Variants in DOK5 observed in about 807,000 individuals in gnomAD.
DOK5 encodes docking protein 5.
In DOK5, 27 loss-of-function variants were observed where a neutral mutation model predicts 43.3. The observed-to-expected ratio is 0.62, with a 90% confidence interval of 0.46 to 0.86. The LOEUF (loss-of-function observed/expected upper bound fraction) is 0.86, where lower values mean the gene tolerates loss of function less well. DOK5 is among the 40% of genes least tolerant of loss of function. The pLI is 0.00. For synonymous variants in DOK5, 146 were observed against 140.1 expected (o/e 1.04, Z -0.30); for missense variants, 373 against 392.9 (o/e 0.95, Z 0.43).
rs142223107 is a variant in DOK5, at chr20:54,631,456, A to G, written c.736-12002A>G. Among the ~76,000 whole-genome samples the G allele has an allele frequency of 1.4e-4, 21 of 147,666 alleles. 1 individual carries two copies. The East Asian group carries it at 4.4e-3, about 31-fold the overall frequency. ...AAGAAAGGAAAGAAAGGAAGGAAGG[A>G]AGGGAGGGAGAGAAGGAGAGAGGGA... On this transcript the variant is annotated intron_variant, in intron 6 of 7. Transcript: ENST00000262593.
intron 6 of DOK5, among the ~76,000 whole-genome samples, chr20:54,618,447 G>T (rs1052392201): frequency 6.6e-6 from 1 of 151,774 alleles, no homozygotes; most frequent in Non-Finnish European, 1.5e-5. Flanking sequence ...GGGTTCAAGC[G>T]ATTCTTCCCC....
intron 1 of DOK5, among the ~76,000 whole-genome samples, chr20:54,535,304 A>T (rs1456493319): frequency 6.6e-6 from 1 of 150,524 alleles, no homozygotes; most frequent in South Asian, 2.1e-4. Context: ...TTTTTTTTTT[A>T]AAGAGTGCTT....
chr20:54,540,162 T>A (rs1303525219), intron 1 of DOK5, among the ~76,000 whole-genome samples: 1 of 151,910 alleles, frequency 6.6e-6, no homozygotes, highest in African/African-American at 2.4e-5. Flanking sequence ...TTTTCAACTC[T>A]ACAAAAATAC....
chr20:54,575,296 A>G (rs1311906035), intron 2 of DOK5, among the ~76,000 whole-genome samples: 1 of 152,234 alleles, frequency 6.6e-6, no homozygotes, highest in Non-Finnish European at 1.5e-5. Flanking sequence ...GTGATGGTGG[A>G]CAGGCATGGG....
intron 1 of DOK5, among the ~76,000 whole-genome samples, chr20:54,499,069 C>A (rs923144798): frequency 6.6e-6 from 1 of 152,176 alleles, no homozygotes; most frequent in Non-Finnish European, 1.5e-5. Flanking sequence ...GGGATCAGAG[C>A]ACTGTCAAAG....
chr20:54,532,652 G>A (rs1378292896), intron 1 of DOK5, among the ~76,000 whole-genome samples: 1 of 152,132 alleles, frequency 6.6e-6, no homozygotes, highest in East Asian at 1.9e-4. Context: ...GCTGTTCTCA[G>A]CCTCTGTTTT....
At chr20:54,512,036 AC>A (rs1983033209) in intron 1 of DOK5, among the ~76,000 whole-genome samples, 1 of 152,128 alleles carries the variant, frequency 6.6e-6, no homozygotes, top group African/African-American at 2.4e-5. Flanking sequence ...CCTTATACAC[AC>A]CAACAGAGCA....
chr20:54,534,243 G>A (rs2146709044), intron 1 of DOK5, among the ~76,000 whole-genome samples: 1 of 152,342 alleles, frequency 6.6e-6, no homozygotes, highest in South Asian at 2.1e-4. Context: ...CGGGAGTGCA[G>A]TGGTGCAATC....
At chr20:54,619,549 C>T (rs115533267) in intron 6 of DOK5, among the ~76,000 whole-genome samples, 3,373 of 152,184 alleles carry the variant, frequency 0.022, 154 homozygotes, top group African/African-American at 0.077. Context: ...CCAGGGGCTC[C>T]GGGTGGGGTG....
chr20:54,489,613 T>C (rs1982084888), intron 1 of DOK5, among the ~76,000 whole-genome samples: 1 of 152,156 alleles, frequency 6.6e-6, no homozygotes, highest in Admixed American at 6.5e-5. Flanking sequence ...GTTAAATATG[T>C]GCATAAAGTA....
chr20:54,607,931 T>G (rs896030435), intron 5 of DOK5, among the ~76,000 whole-genome samples: 1 of 148,984 alleles, frequency 6.7e-6, no homozygotes, highest in Non-Finnish European at 1.5e-5. Flanking sequence ...CAAAACAAAG[T>G]GGGCATTGGG....
intron 5 of DOK5, among the ~76,000 whole-genome samples, chr20:54,595,205 G>A (rs1186984239): frequency 6.6e-6 from 1 of 152,166 alleles, no homozygotes; most frequent in East Asian, 1.9e-4. Context: ...GCCGGGCGTG[G>A]TAGTGGGCAC....
At chr20:54,611,436 C>T (rs1257608912) in intron 6 of DOK5, among the ~76,000 whole-genome samples, 1 of 152,100 alleles carries the variant, frequency 6.6e-6, no homozygotes, top group East Asian at 1.9e-4. Context: ...TGGTATGCGA[C>T]TGTAGTTCCG....
chr20:54,475,773 G>A lies in DOK5; in HGVS notation c.-174G>A, dbSNP rs1401669643. Reference sequence around the variant, plus strand: ...AGCCGGCCGCCCACTGTCAGGGTTGGGGGGACAGAGAAAGTGATGTGCGCC... The same window carrying A: ...AGCCGGCCGCCCACTGTCAGGGTTGAGGGGACAGAGAAAGTGATGTGCGCC... On this transcript the variant is annotated 5_prime_UTR_variant, in exon 1 of 8. Coordinates refer to ENST00000262593, the MANE Select transcript of DOK5 (RefSeq NM_018431.5). The surrounding 1 kb of genome is among the most constrained non-coding windows in gnomAD (Gnocchi z 4.2). 3 of 773,314 alleles carry A rather than the reference G, an allele frequency of 3.9e-6. No homozygotes were observed. The highest frequency in any genetic ancestry group is 6.2e-6 in the Non-Finnish European group (3 of 482,222). 47.9% of individuals were successfully genotyped at this position (773,314 alleles called of 1,614,324 possible).
chr20:54,478,799 A>G (rs941966261), intron 1 of DOK5, among the ~76,000 whole-genome samples: 40 of 152,228 alleles, frequency 2.6e-4, no homozygotes, highest in African/African-American at 8.2e-4. Flanking sequence ...TGAAAATGCA[A>G]TGAAAGTCTA....
chr20:54,595,107 C>T (rs1447254798), intron 5 of DOK5, among the ~76,000 whole-genome samples: 1 of 151,984 alleles, frequency 6.6e-6, no homozygotes, highest in Admixed American at 6.6e-5. Flanking sequence ...TTTGGGAGGC[C>T]AAGGCGGGCA....
intron 6 of DOK5, among the ~76,000 whole-genome samples, chr20:54,637,284 C>A (rs1041822277): frequency 6.6e-6 from 1 of 152,232 alleles, no homozygotes; most frequent in African/African-American, 2.4e-5. Flanking sequence ...CAGGCAGCAT[C>A]TTGACTCACT....
At chr20:54,504,616 G>C (rs1982736556) in intron 1 of DOK5, among the ~76,000 whole-genome samples, 1 of 152,158 alleles carries the variant, frequency 6.6e-6, no homozygotes, top group African/African-American at 2.4e-5. Context: ...AGGATACAGG[G>C]GTGATTGGAG....
At chr20:54,645,464 A>C (rs2870335) in intron 7 of DOK5, among the ~76,000 whole-genome samples, 47,637 of 149,440 alleles carry the variant, frequency 0.32, 9,626 homozygotes, top group African/African-American at 0.56. Context: ...TCACAACAGC[A>C]TTTTTTTCTC....
Sources: gnomAD v4.1 joint callset for allele counts (sites outside exome capture counted in the v4.1 genomes callset) on GRCh38, gnomAD v4.1.1 for gene constraint, Gnocchi (gnomAD v3.1) non-coding constraint, MANE v1.5 for transcripts, NCBI Gene and HGNC (gene_info 2026-07-23, HGNC 2026-07-21) for gene names.